Variants in CPZ observed in about 807,000 individuals in gnomAD.
The protein encoded by CPZ is carboxypeptidase Z.
Under a neutral mutation model 61.8 loss-of-function variants are expected in CPZ, and 103 were observed. That is an observed-to-expected ratio of 1.67 (90% CI 1.42 to 1.96). The LOEUF (loss-of-function observed/expected upper bound fraction) is 1.96, where lower values mean the gene tolerates loss of function less well. Ranked by LOEUF, CPZ falls within the 30% of genes most tolerant of loss-of-function variation. The probability of loss-of-function intolerance (pLI) is 0.00; values close to 1 mark genes in which losing one functional copy is unlikely to be tolerated. For synonymous variants in CPZ, 551 were observed against 373.7 expected (o/e 1.47, Z -5.47); for missense variants, 1,461 against 914.9 (o/e 1.60, Z -7.70).
rs1365872819 is a variant in CPZ, at chr4:8,619,268, A to C, written c.1610A>C (p.Asp537Ala). The C allele has an allele frequency of 1.9e-6, 3 of 1,610,374 alleles. No individual in the cohort carries two copies. The highest frequency in any genetic ancestry group is 2.5e-6 in the Non-Finnish European group (3 of 1,178,420). ...TTAATCTATTTGTCCACAGCCCCAG[A>C]TGGTGACTACTGGAGACTGCTGCCC... ...GIRHDITTAP[D>A]GDYWRLLPPG... Residue 537 changes from aspartate (D) to alanine (A), a missense_variant, in exon 11 of 11, where the codon GAT (aspartate) becomes GCT (alanine). Physicochemically the swap from Asp to Ala is moderately radical, Grantham distance 126 (BLOSUM62 -2). Transcript: ENST00000360986.
intron 7 of CPZ, among the ~76,000 whole-genome samples, chr4:8,609,180 TCAGG>T (rs879481048): frequency 0.025 from 2,530 of 101,336 alleles, 46 homozygotes; most frequent in Middle Eastern, 0.042. Flanking sequence ...ACCCATTCAC[TCAGG>T]CATTCACTCA....
Position 8,614,876 on chromosome 4 carries a change from G to T in CPZ, c.1503+378G>T, listed in dbSNP as rs77081989. ...CCGCAGGGCTTCATCTTGAAGAAGG[G>T]TAGGAGAAATCAAACCACAGGACAG... On this transcript the variant is annotated intron_variant, in intron 9 of 10. Coordinates refer to ENST00000360986, the MANE Select transcript of CPZ (RefSeq NM_001014447.3). Among the ~76,000 whole-genome samples the T allele has an allele frequency of 6.5e-3, 992 of 152,098 alleles. 8 individuals are homozygous for T. The highest frequency in any genetic ancestry group is 0.023 in the African/African-American group (961 of 41,464).
At chr4:8,612,730 C>G (rs946736619) in intron 8 of CPZ, among the ~76,000 whole-genome samples, 2 of 152,160 alleles carry the variant, frequency 1.3e-5, no homozygotes, top group African/African-American at 4.8e-5. Context: ...TGAGGGGTAC[C>G]CGCCAGACCA....
intron 7 of CPZ, among the ~76,000 whole-genome samples, chr4:8,609,157 C>CATTA (rs1715364728): frequency 3.5e-5 from 5 of 142,762 alleles, no homozygotes; most frequent in Non-Finnish European, 6.3e-5. Context: ...CCCACTCCCT[C>CATTA]ACTCATTCAC....
rs769127364 is a variant in CPZ, at chr4:8,592,946, C to T, written c.88+25C>T. On this transcript the variant is annotated intron_variant, in intron 1 of 10. Coordinates refer to ENST00000360986, the MANE Select transcript of CPZ (RefSeq NM_001014447.3). ...GGTAAGGCCGTCCCCTGCCCCCACC[C>T]TCCACCCTCCACCCTGCAACCTCTG... The T allele has an allele frequency of 2.2e-5, 32 of 1,478,510 alleles. No homozygotes were observed. In the Middle Eastern group the frequency reaches 5.2e-4, roughly 24 times the overall value. The allele number at this position is 1,478,510 out of a possible 1,614,324, so 91.6% of individuals were successfully genotyped here. A position where few individuals can be genotyped will look rare whatever the true frequency, so the allele number is the denominator to read the frequency against.
chr4:8,611,473 G>A (rs1241936790), intron 7 of CPZ, among the ~76,000 whole-genome samples: 2 of 152,214 alleles, frequency 1.3e-5, no homozygotes, highest in Non-Finnish European at 2.9e-5. Flanking sequence ...CAACTGCAGT[G>A]GAAGCTGGAG....
chr4:8,614,220 G>A, intron 8 of CPZ, 139 bp from the exon 9 acceptor site: 3 of 1,203,346 alleles, frequency 2.5e-6, no homozygotes, highest in Non-Finnish European at 3.4e-6. Context: ...GCACTTGGCT[G>A]ACACCCCGAC....
At chr4:8,609,155 C>CAT (rs1560298011) in intron 7 of CPZ, among the ~76,000 whole-genome samples, 115 of 83,744 alleles carry the variant, frequency 1.4e-3, no homozygotes, top group Middle Eastern at 6.1e-3. Context: ...CACCCACTCC[C>CAT]TCACTCATTC....
At chr4:8,610,713 G>A (rs929885598) in intron 7 of CPZ, among the ~76,000 whole-genome samples, 2 of 152,186 alleles carry the variant, frequency 1.3e-5, no homozygotes, top group African/African-American at 4.8e-5. Flanking sequence ...GGCCACTCCT[G>A]AGCTGATGCT....
At chr4:8,607,482 G>C in intron 7 of CPZ, 57 bp downstream of exon 7, 1 of 1,575,928 alleles carries the variant, frequency 6.3e-7, no homozygotes, top group East Asian at 2.3e-5. Context: ...GGTCCCCTTG[G>C]AGCTGGTGCC....
intron 8 of CPZ, among the ~76,000 whole-genome samples, 172 bp from the exon 9 acceptor site, chr4:8,614,187 T>G (rs1354593867): frequency 6.6e-6 from 1 of 152,232 alleles, no homozygotes; most frequent in Non-Finnish European, 1.5e-5. Flanking sequence ...GGCGAGTACC[T>G]GCTGCACTCA....
intron 7 of CPZ, 129 bp downstream of exon 7, chr4:8,607,554 C>A: frequency 9.5e-7 from 1 of 1,050,454 alleles, no homozygotes; most frequent in Non-Finnish European, 1.3e-6. Context: ...AGCGGGTCAG[C>A]ACCACCTGCT....
At chr4:8,607,463 A>G in intron 7 of CPZ, 38 bp downstream of exon 7, 2 of 1,604,130 alleles carry the variant, frequency 1.2e-6, no homozygotes, top group Admixed American at 1.7e-5. Flanking sequence ...GGAGGGAGAC[A>G]GTGTGCGCGG....
At chr4:8,616,923 G>T (rs895816454) in intron 9 of CPZ, among the ~76,000 whole-genome samples, 2 of 152,152 alleles carry the variant, frequency 1.3e-5, no homozygotes, top group Non-Finnish European at 2.9e-5. Flanking sequence ...TCTCCATCGC[G>T]TCAGGAGGGC....
intron 9 of CPZ, among the ~76,000 whole-genome samples, chr4:8,616,332 G>A (rs1382858910): frequency 1.3e-5 from 2 of 152,196 alleles, no homozygotes; most frequent in African/African-American, 2.4e-5. Context: ...AACCGCATGT[G>A]CCCTGTGTTT....
chr4:8,594,148 C>T (rs537293803), intron 1 of CPZ, among the ~76,000 whole-genome samples: 22 of 152,342 alleles, frequency 1.4e-4, no homozygotes, highest in Middle Eastern at 3.4e-3. Flanking sequence ...CTGGCAGGTG[C>T]TGAGCACAGC....
In CPZ at chr4:8,612,026, G is replaced by A. The variant is rs761537979; in HGVS notation, c.1228-1G>A. ...TTATCTGAGCCAGGTTTCTTTTCCA[G>A]ATGTTCAAGCTGCTGTCCAGAGCCT... is the stretch of plus-strand genomic sequence containing the variant. On this transcript the variant is annotated splice_acceptor_variant, in intron 7 of 10. Transcript: ENST00000360986. LOFTEE classifies it high-confidence loss of function. The A allele has an allele frequency of 6.2e-7, 1 of 1,613,938 alleles. No homozygotes were observed. The highest frequency in any genetic ancestry group is 2.2e-5 in the East Asian group (1 of 44,880).
Position 8,606,615 on chromosome 4 carries a change from A to C in CPZ, c.907-122A>C, listed in dbSNP as rs952388488. ...GGTCAGGCATGCCCCCGAGCTCATC[A>C]CATAAAGCCGGGGGAAACCGCAGCC... On this transcript the variant is annotated intron_variant, in intron 5 of 10. Coordinates refer to ENST00000360986, the MANE Select transcript of CPZ (RefSeq NM_001014447.3). 1.6e-5 allele frequency: 20 copies of C among 1,263,898 alleles called. No homozygotes were observed. In the African/African-American group the frequency reaches 2.2e-4, roughly 14 times the overall value. 78.3% of individuals were successfully genotyped at this position (1,263,898 alleles called of 1,614,324 possible). A position where few individuals can be genotyped will look rare whatever the true frequency, so the allele number is the denominator to read the frequency against.
At chr4:8,612,621 C>T (rs1019354294) in intron 8 of CPZ, among the ~76,000 whole-genome samples, 18 of 152,334 alleles carry the variant, frequency 1.2e-4, no homozygotes, top group African/African-American at 3.4e-4. Flanking sequence ...TGTGGTTTCT[C>T]TGGAGCCCGA....
Sources: allele counts gnomAD v4.1 joint callset (sites outside exome capture counted in the v4.1 genomes callset), GRCh38; gene constraint gnomAD v4.1.1; transcripts MANE v1.5; gene names NCBI Gene and HGNC (gene_info 2026-07-23, HGNC 2026-07-21).